MKLN1: variants seen among roughly 807,000 people sequenced by gnomAD.
The protein encoded by MKLN1 is muskelin.
A neutral mutation model predicts 99.0 loss-of-function variants in MKLN1; 18 were observed. The ratio of observed to expected loss-of-function variants is 0.18; its 90% CI spans 0.13 to 0.27. The LOEUF (loss-of-function observed/expected upper bound fraction) is 0.27, where lower values mean the gene tolerates loss of function less well. Among genes scored for constraint, MKLN1 ranks in the 10% least tolerant of loss-of-function variants. The pLI, the probability that MKLN1 is intolerant of heterozygous loss-of-function variation, is 1.00. For synonymous variants in MKLN1, 288 were observed against 293.2 expected, an observed-to-expected ratio of 0.98 and a Z score of 0.18; for missense variants, 621 against 875.9, an observed-to-expected ratio of 0.71 and a Z score of 3.67.
intron 3 of MKLN1, among the ~76,000 whole-genome samples, chr7:131,295,056 T>C (rs1307525644): frequency 6.6e-6 from 1 of 152,182 alleles, no homozygotes; most frequent in Non-Finnish European, 1.5e-5. Context: ...ACCTCTACCG[T>C]GTGACAGGGG....
intron 3 of MKLN1, among the ~76,000 whole-genome samples, chr7:131,231,618 A>G (rs914466129): frequency 6.6e-6 from 1 of 152,198 alleles, no homozygotes; most frequent in African/African-American, 2.4e-5. Context: ...TCGTGCGTGC[A>G]GATCTGCGTC....
intron 2 of MKLN1, among the ~76,000 whole-genome samples, chr7:131,380,439 C>CA (rs1013335285): frequency 1.3e-4 from 20 of 151,812 alleles, no homozygotes; most frequent in Middle Eastern, 3.4e-3. Context: ...AAAATACCAA[C>CA]AAAAAATGAA....
At chr7:131,351,348 A>T (rs1436557437) in intron 1 of MKLN1, among the ~76,000 whole-genome samples, 2 of 152,224 alleles carry the variant, frequency 1.3e-5, no homozygotes, top group Admixed American at 1.3e-4. Flanking sequence ...TGTCCTGAAG[A>T]AGCTCCCCTA....
At chr7:131,457,667 GC>G (rs1219692502) in intron 12 of MKLN1, among the ~76,000 whole-genome samples, 1 of 152,208 alleles carries the variant, frequency 6.6e-6, no homozygotes, top group Non-Finnish European at 1.5e-5. Context: ...TGTAATCCCA[GC>G]ACTTTGGGAG....
intron 1 of MKLN1, among the ~76,000 whole-genome samples, chr7:131,337,331 CCAATT>C (rs1799277351): frequency 6.6e-6 from 1 of 151,992 alleles, no homozygotes; most frequent in African/African-American, 2.4e-5. Context: ...CTCTGTGACT[CCAATT>C]AAATCTTTAT....
At chr7:131,160,097 C>G (rs1796024124) in intron 2 of MKLN1, among the ~76,000 whole-genome samples, 1 of 152,142 alleles carries the variant, frequency 6.6e-6, no homozygotes, top group African/African-American at 2.4e-5. Context: ...AACCACAGAC[C>G]CTGGCAACCA....
At chr7:131,187,286 T>C (rs2116373334) in intron 2 of MKLN1, among the ~76,000 whole-genome samples, 1 of 151,886 alleles carries the variant, frequency 6.6e-6, no homozygotes, top group East Asian at 1.9e-4. Context: ...AGCCTCTTCT[T>C]GTCCTCTGCT....
intron 12 of MKLN1, among the ~76,000 whole-genome samples, chr7:131,451,257 C>A (rs1796167860): frequency 6.6e-6 from 1 of 151,880 alleles, no homozygotes; most frequent in Non-Finnish European, 1.5e-5. Flanking sequence ...AACTGTTGTT[C>A]TAAAGATTTT....
intron 3 of MKLN1, chr7:131,242,849 T>C (rs28629228): frequency 0.072 from 47,597 of 661,988 alleles, 2,053 homozygotes; most frequent in African/African-American, 0.12. Context: ...CAAGGTACTC[T>C]GTGGATATCC....
chr7:131,132,595 G>A (rs1406392060), intron 1 of MKLN1, among the ~76,000 whole-genome samples: 1 of 152,122 alleles, frequency 6.6e-6, no homozygotes, highest in Non-Finnish European at 1.5e-5. Flanking sequence ...AGAGGACAAA[G>A]CTATGTTTGG....
At chr7:131,457,359 T>C (rs551317993) in intron 12 of MKLN1, among the ~76,000 whole-genome samples, 1 of 150,608 alleles carries the variant, frequency 6.6e-6, no homozygotes, top group East Asian at 1.9e-4. Flanking sequence ...ACTAGTAATA[T>C]GAAATAAGAT....
At chr7:131,359,888 C>T (rs1799979249) in intron 1 of MKLN1, among the ~76,000 whole-genome samples, 3 of 152,018 alleles carry the variant, frequency 2.0e-5, no homozygotes, top group African/African-American at 7.2e-5. Flanking sequence ...CCTGCACCAC[C>T]ACGCCTAGCT....
intron 2 of MKLN1, among the ~76,000 whole-genome samples, chr7:131,164,707 C>T (rs952402200): frequency 6.6e-6 from 1 of 152,098 alleles, no homozygotes. Flanking sequence ...AATTCCTTAG[C>T]GGTTTCAAAT....
At chr7:131,370,736 T>G (rs1253660074) in intron 1 of MKLN1, among the ~76,000 whole-genome samples, 1 of 152,142 alleles carries the variant, frequency 6.6e-6, no homozygotes, top group Non-Finnish European at 1.5e-5. Flanking sequence ...AAGGTCTTAG[T>G]GGGGTAGGGA....
intron 3 of MKLN1, among the ~76,000 whole-genome samples, chr7:131,312,884 C>G (rs545583909): frequency 6.6e-6 from 1 of 152,280 alleles, no homozygotes; most frequent in Non-Finnish European, 1.5e-5. Flanking sequence ...CCTGGAGGAT[C>G]CAACTCCTTG....
In MKLN1 at chr7:131,180,678, G is replaced by A. The variant is rs554789728; in HGVS notation, c.-296-22179G>A. ...CCCACCACTGCACTCCAGCCTGGGCGACAGAGTGAGACTTGGTCTCAAAAA... is the reference window on the plus strand; with the variant it reads ...CCCACCACTGCACTCCAGCCTGGGCAACAGAGTGAGACTTGGTCTCAAAAA... On this transcript the variant is annotated intron_variant, in intron 2 of 7. Coordinates refer to the MKLN1 transcript ENST00000416992. Among the ~76,000 whole-genome samples the A allele has an allele frequency of 1.8e-4, 26 of 145,648 alleles. No homozygotes were observed. The East Asian group carries it at 2.4e-3, about 13-fold the overall frequency.
intron 14 of MKLN1, 80 bp downstream of exon 14, chr7:131,464,488 A>C: frequency 2.5e-6 from 2 of 795,264 alleles, no homozygotes; most frequent in Non-Finnish European, 4.1e-6. Flanking sequence ...TGATTGTTTT[A>C]AATTGGATTT....
chr7:131,174,956 T>A (rs1379715545), intron 2 of MKLN1, among the ~76,000 whole-genome samples: 1 of 1,698 alleles, frequency 5.9e-4, no homozygotes. Flanking sequence ...TGGTAGATGA[T>A]AGATAGATAG....
At chr7:131,190,861 G>A (rs535305242) in intron 2 of MKLN1, among the ~76,000 whole-genome samples, 2 of 152,322 alleles carry the variant, frequency 1.3e-5, no homozygotes, top group South Asian at 4.1e-4. Context: ...ACCAGGACAT[G>A]GGGAGTTCTG....
Sources: allele counts gnomAD v4.1 joint callset (sites outside exome capture counted in the v4.1 genomes callset), GRCh38; gene constraint gnomAD v4.1.1; transcripts MANE v1.5; gene names NCBI Gene and HGNC (gene_info 2026-07-23, HGNC 2026-07-21).